Variants in MLIP observed in about 807,000 individuals in gnomAD.
MLIP encodes the protein muscular LMNA interacting protein, also known as muscular LMNA-interacting protein.
A neutral mutation model predicts 84.8 loss-of-function variants in MLIP; 79 were observed. The ratio of observed to expected loss-of-function variants is 0.93; its 90% CI spans 0.78 to 1.12. MLIP has a LOEUF of 1.12. Ranked by LOEUF, MLIP falls within the 50% of genes most tolerant of loss-of-function variation. The pLI, the probability that MLIP is intolerant of heterozygous loss-of-function variation, is 0.00. For synonymous variants in MLIP, 504 were observed against 463.0 expected (o/e 1.09, Z -1.14); for missense variants, 1,257 against 1,160.6 (o/e 1.08, Z -1.21).
chr6:54,185,024 C>T (rs1354852296), intron 9 of MLIP, among the ~76,000 whole-genome samples: 2 of 152,196 alleles, frequency 1.3e-5, no homozygotes, highest in East Asian at 3.8e-4. Context: ...CACCTTTATT[C>T]AGGTGATGCA....
chr6:54,160,271 G>T, intron 5 of MLIP, 96 bp from the exon 6 acceptor site: 1 of 915,990 alleles, frequency 1.1e-6, no homozygotes, highest in South Asian at 1.6e-5. Flanking sequence ...TTTTTTCTTG[G>T]AATATTAATA....
intron 11 of MLIP, among the ~76,000 whole-genome samples, chr6:54,205,939 T>C (rs987428470): frequency 3.3e-5 from 5 of 152,186 alleles, no homozygotes; most frequent in African/African-American, 4.8e-5. Context: ...TTGCCATAAA[T>C]CTATGGATTT....
At chr6:54,240,848 C>A (rs923391824) in intron 12 of MLIP, among the ~76,000 whole-genome samples, 1 of 152,054 alleles carries the variant, frequency 6.6e-6, no homozygotes, top group Non-Finnish European at 1.5e-5. Context: ...TGGTGGCACG[C>A]ACCTGTAGTC....
chr6:54,237,054 G>T (rs1237892919), intron 12 of MLIP, among the ~76,000 whole-genome samples: 1 of 151,960 alleles, frequency 6.6e-6, no homozygotes, highest in Non-Finnish European at 1.5e-5. Flanking sequence ...GAGGGTGATT[G>T]TACCTTTGTT....
At chr6:54,178,471 T>C (rs970226290) in intron 9 of MLIP, among the ~76,000 whole-genome samples, 2 of 152,198 alleles carry the variant, frequency 1.3e-5, no homozygotes, top group African/African-American at 2.4e-5. Context: ...GGTTTGCTCT[T>C]GACTTTCTAG....
At chr6:54,201,679 G>T (rs1778690116) in intron 10 of MLIP, among the ~76,000 whole-genome samples, 1 of 152,118 alleles carries the variant, frequency 6.6e-6, no homozygotes, top group South Asian at 2.1e-4. Context: ...GTAGATTTTG[G>T]GGCATGGAGG....
intron 1 of MLIP, among the ~76,000 whole-genome samples, chr6:54,098,612 C>A (rs1274882009): frequency 6.6e-6 from 1 of 151,968 alleles, no homozygotes; most frequent in African/African-American, 2.4e-5. Flanking sequence ...GAAAAAAAGT[C>A]AACTATTTGA....
At chr6:54,214,672 A>G (rs1207488971) in intron 11 of MLIP, among the ~76,000 whole-genome samples, 1 of 152,156 alleles carries the variant, frequency 6.6e-6, no homozygotes, top group Non-Finnish European at 1.5e-5. Flanking sequence ...TCCAAAATCT[A>G]TTTTGAAACC....
At chr6:54,226,919 C>G (rs1452393454) in intron 11 of MLIP, among the ~76,000 whole-genome samples, 1 of 152,222 alleles carries the variant, frequency 6.6e-6, no homozygotes, top group African/African-American at 2.4e-5. Flanking sequence ...TGGGAAACCT[C>G]TCTATGCTAG....
chr6:54,243,757 G>A (rs150434117), intron 12 of MLIP, among the ~76,000 whole-genome samples: 50 of 151,832 alleles, frequency 3.3e-4, no homozygotes, highest in African/African-American at 1.1e-3. Flanking sequence ...ACCACCACCC[G>A]GGAATCACGC....
intron 1 of MLIP, among the ~76,000 whole-genome samples, chr6:54,088,485 A>T (rs1273914168): frequency 6.6e-6 from 1 of 152,204 alleles, no homozygotes; most frequent in Non-Finnish European, 1.5e-5. Context: ...AATGTCCCTC[A>T]TCCCCATATC....
intron 10 of MLIP, among the ~76,000 whole-genome samples, chr6:54,197,360 G>C (rs1233764968): frequency 6.6e-6 from 1 of 151,892 alleles, no homozygotes; most frequent in Non-Finnish European, 1.5e-5. Context: ...GAAAACAGGG[G>C]GTATGTCTTT....
chr6:54,130,830 C>T (rs1252756859), intron 3 of MLIP, among the ~76,000 whole-genome samples: 2 of 151,700 alleles, frequency 1.3e-5, no homozygotes, highest in Admixed American at 6.6e-5. Flanking sequence ...AGTATCAGCA[C>T]ATAAGAACAG....
At chr6:54,215,293 A>G (rs1464516376) in intron 11 of MLIP, 4 of 1,458,232 alleles carry the variant, frequency 2.7e-6, no homozygotes, top group Admixed American at 5.5e-5. Context: ...ATAGAATTCA[A>G]TGGCAAGAAC....
At chr6:54,045,806 C>G (rs758824504) in intron 1 of MLIP, 4 of 153,236 alleles carry the variant, frequency 2.6e-5, no homozygotes, top group Non-Finnish European at 4.4e-5. Flanking sequence ...TGAGGCCTCC[C>G]CAGCTGTTTC....
chr6:54,139,885 C>T (rs535254726), intron 4 of MLIP, among the ~76,000 whole-genome samples: 6 of 152,010 alleles, frequency 3.9e-5, no homozygotes, highest in Non-Finnish European at 7.4e-5. Flanking sequence ...GAATTATAAC[C>T]AGAATTCCCA....
intron 12 of MLIP, among the ~76,000 whole-genome samples, chr6:54,250,741 C>A (rs1782418675): frequency 6.6e-6 from 1 of 152,032 alleles, no homozygotes; most frequent in Non-Finnish European, 1.5e-5. Flanking sequence ...TCAACCAGCC[C>A]AATTGTGAGT....
intron 4 of MLIP, among the ~76,000 whole-genome samples, chr6:54,142,235 G>A (rs896468732): frequency 6.6e-6 from 1 of 152,164 alleles, no homozygotes; most frequent in Non-Finnish European, 1.5e-5. Context: ...AATAAAATAT[G>A]CAATGATGCC....
intron 1 of MLIP, among the ~76,000 whole-genome samples, chr6:54,027,776 A>T (rs1763904361): frequency 6.6e-6 from 1 of 152,132 alleles, no homozygotes; most frequent in Non-Finnish European, 1.5e-5. Flanking sequence ...CCCTTTGAAA[A>T]CCACTGCTAA....
Sources: allele counts gnomAD v4.1 joint callset (sites outside exome capture counted in the v4.1 genomes callset), GRCh38; gene constraint gnomAD v4.1.1; transcripts MANE v1.5; gene names NCBI Gene and HGNC (gene_info 2026-07-23, HGNC 2026-07-21).